The following DSCAM variants were observed in gnomAD, a reference collection of about 807,000 sequenced individuals.
The protein encoded by DSCAM is cell adhesion molecule DSCAM.
Under a neutral mutation model 217.7 loss-of-function variants are expected in DSCAM, and 47 were observed. The ratio of observed to expected loss-of-function variants is 0.22; its 90% CI spans 0.17 to 0.28. The LOEUF (loss-of-function observed/expected upper bound fraction) is 0.28. Ranked by LOEUF, DSCAM falls within the 10% of genes least tolerant of loss-of-function variation. The pLI, the probability that DSCAM is intolerant of heterozygous loss-of-function variation, is 1.00. For missense variants in DSCAM, 2,080 were observed against 2,618.3 expected, an observed-to-expected ratio of 0.79 and a Z score of 4.49; for synonymous variants, 1,056 against 1,015.3, an observed-to-expected ratio of 1.04 and a Z score of -0.76.
intron 4 of DSCAM, among the ~76,000 whole-genome samples, chr21:40,361,146 T>G (rs1055661149): frequency 6.6e-6 from 1 of 151,112 alleles, no homozygotes; most frequent in Non-Finnish European, 1.5e-5. Flanking sequence ...TATATATATA[T>G]TACAAAAATT....
chr21:40,160,782 A>T (rs2090531642), intron 16 of DSCAM, among the ~76,000 whole-genome samples: 1 of 152,224 alleles, frequency 6.6e-6, no homozygotes, highest in Admixed American at 6.5e-5. Flanking sequence ...TACAGCTTAT[A>T]ACCTAACCGT....
At chr21:40,522,902 C>A (rs995083006) in intron 3 of DSCAM, among the ~76,000 whole-genome samples, 1 of 152,014 alleles carries the variant, frequency 6.6e-6, no homozygotes, top group Non-Finnish European at 1.5e-5. Context: ...CAATAATCGA[C>A]AACATAATGA....
intron 32 of DSCAM, among the ~76,000 whole-genome samples, chr21:40,042,017 T>C (rs2088760168): frequency 1.3e-5 from 2 of 152,116 alleles, no homozygotes; most frequent in South Asian, 4.1e-4. Flanking sequence ...GACCATTTGC[T>C]GCTAGAACCC....
At chr21:40,668,436 T>G (rs2090229252) in intron 3 of DSCAM, among the ~76,000 whole-genome samples, 1 of 152,180 alleles carries the variant, frequency 6.6e-6, no homozygotes, top group East Asian at 1.9e-4. Context: ...CCCAGACCAA[T>G]TAAAGCAAAT....
At chr21:40,233,202 T>C (rs1398533123) in intron 11 of DSCAM, among the ~76,000 whole-genome samples, 3 of 152,080 alleles carry the variant, frequency 2.0e-5, no homozygotes, top group Admixed American at 1.3e-4. Flanking sequence ...CCCTTAAGAG[T>C]ACTTGTTTAA....
chr21:40,585,032 C>T (rs1245423601), intron 3 of DSCAM, among the ~76,000 whole-genome samples: 3 of 151,994 alleles, frequency 2.0e-5, no homozygotes, highest in Non-Finnish European at 4.4e-5. Context: ...CCTCCTCTCG[C>T]TCTTGCTTCC....
At chr21:40,665,448 C>G (rs926097499) in intron 3 of DSCAM, among the ~76,000 whole-genome samples, 3 of 152,144 alleles carry the variant, frequency 2.0e-5, no homozygotes, top group Non-Finnish European at 4.4e-5. Context: ...GCCCACTGCA[C>G]CTGTTCCCCT....
intron 16 of DSCAM, among the ~76,000 whole-genome samples, chr21:40,162,470 T>G (rs147303656): frequency 2.0e-5 from 3 of 152,182 alleles, no homozygotes; most frequent in African/African-American, 7.2e-5. Context: ...TGCAGTTTAT[T>G]AAACGATGAC....
In DSCAM at chr21:40,402,049, C is replaced by T. The variant is rs1426970315; in HGVS notation, c.509-32804G>A. On this transcript the variant is annotated intron_variant, in intron 3 of 32. Coordinates refer to ENST00000400454, the MANE Select transcript of DSCAM (RefSeq NM_001389.5). The stretch of plus-strand genomic sequence containing the variant: ...AAATTTATTCTTATTATTCTTATTC[C>T]TTTTTTTTTTTTTTTTTTTTTTTTT... Among the ~76,000 whole-genome samples, 17 of 58,256 alleles carry T rather than the reference C, an allele frequency of 2.9e-4. 1 individual carries two copies. The highest frequency in any genetic ancestry group is 1.0e-3 in the South Asian group (1 of 968). The allele number at this position is 58,256 out of a possible 152,430, so 38.2% of individuals were successfully genotyped here.
At chr21:40,076,743 G>A (rs2089371171) in intron 26 of DSCAM, among the ~76,000 whole-genome samples, 1 of 152,196 alleles carries the variant, frequency 6.6e-6, no homozygotes, top group African/African-American at 2.4e-5. Context: ...ATCATTAGCT[G>A]TGAGCATATC....
intron 1 of DSCAM, among the ~76,000 whole-genome samples, chr21:40,711,382 T>C (rs188691127): frequency 2.0e-5 from 3 of 152,300 alleles, no homozygotes; most frequent in Admixed American, 2.0e-4. Context: ...ATTAACACTA[T>C]TTACAAAGGT....
intron 20 of DSCAM, among the ~76,000 whole-genome samples, chr21:40,104,241 C>CA (rs1340620027): frequency 7.2e-5 from 11 of 151,758 alleles, no homozygotes; most frequent in Non-Finnish European, 5.9e-5. Context: ...AAATTCTGTA[C>CA]AAAAAAACTA....
In DSCAM at chr21:40,447,133, T is replaced by C. The variant is rs150836047; in HGVS notation, c.509-77888A>G. 3.2e-3 allele frequency among the ~76,000 whole-genome samples: 486 copies of C among 152,270 alleles called. 1 individual carries two copies. The highest frequency in any genetic ancestry group is 0.01 in the African/African-American group (436 of 41,554). ...GGGGTCACTGTAGGGAACCCACCAA[T>C]GAACATTTCTTCCTCAGGGTGGAGG... is the stretch of plus-strand genomic sequence containing the variant. On this transcript the variant is annotated intron_variant, in intron 3 of 32. Transcript: ENST00000400454.
chr21:40,516,036 T>A (rs1418457569), intron 3 of DSCAM, among the ~76,000 whole-genome samples: 1 of 152,108 alleles, frequency 6.6e-6, no homozygotes, highest in East Asian at 1.9e-4. Flanking sequence ...TAACATCCAG[T>A]GGTAGCGTCT....
At chr21:40,042,867 A>G (rs1234931555) in intron 31 of DSCAM, among the ~76,000 whole-genome samples, 194 bp from the exon 32 acceptor site, 1 of 152,216 alleles carries the variant, frequency 6.6e-6, no homozygotes, top group East Asian at 1.9e-4. Flanking sequence ...GATCCGGTTA[A>G]GGGAAGCTTT....
At chr21:40,507,331 C>A (rs2076217937) in intron 3 of DSCAM, among the ~76,000 whole-genome samples, 1 of 151,972 alleles carries the variant, frequency 6.6e-6, no homozygotes, top group African/African-American at 2.4e-5. Flanking sequence ...TATTCAACAC[C>A]AGTAGCAGAT....
At chr21:40,204,405 C>T (rs554679654) in intron 11 of DSCAM, among the ~76,000 whole-genome samples, 1 of 152,138 alleles carries the variant, frequency 6.6e-6, no homozygotes, top group Non-Finnish European at 1.5e-5. Context: ...AAACCTTTCT[C>T]CCAAATTTTG....
At chr21:40,323,817 A>G (rs1458166611) in intron 8 of DSCAM, among the ~76,000 whole-genome samples, 2 of 152,064 alleles carry the variant, frequency 1.3e-5, no homozygotes, top group African/African-American at 4.8e-5. Context: ...ACAACGAAGT[A>G]AGGGGGCTGG....
At position 40,604,792 on chromosome 21, in the gene DSCAM, T is replaced by C. The variant is rs1044543166; in HGVS notation, c.508+88018A>G. On this transcript the variant is annotated intron_variant, in intron 3 of 32. Transcript: ENST00000400454. ...GAGGAAGCTCTCCATACTCTTAAGA[T>C]AAAATCTCAGCTTGCAGTATACCCA... 4.6e-5 allele frequency among the ~76,000 whole-genome samples: 7 copies of C among 152,226 alleles called. No homozygotes were observed. In the East Asian group the frequency reaches 9.6e-4, roughly 21 times the overall value.
Sources: allele counts gnomAD v4.1 joint callset (sites outside exome capture counted in the v4.1 genomes callset), GRCh38; gene constraint gnomAD v4.1.1; transcripts MANE v1.5; gene names NCBI Gene and HGNC (gene_info 2026-07-23, HGNC 2026-07-21).